The following FOXP2 variants were observed in gnomAD, a reference collection of about 807,000 sequenced individuals.
The protein encoded by FOXP2 is forkhead box P2.
A neutral mutation model predicts 115.8 loss-of-function variants in FOXP2; 12 were observed. That is an observed-to-expected ratio of 0.10 (90% CI 0.07 to 0.17). The LOEUF (loss-of-function observed/expected upper bound fraction) is 0.17. Among genes scored for constraint, FOXP2 ranks in the 10% least tolerant of loss-of-function variants. The pLI, the probability that FOXP2 is intolerant of heterozygous loss-of-function variation, is 1.00. For synonymous variants in FOXP2, 328 were observed against 297.7 expected (o/e 1.10, Z -1.05); for missense variants, 629 against 843.5 (o/e 0.75, Z 3.15).
chr7:114,686,570 C>T (rs1808375279), intron 16 of FOXP2, among the ~76,000 whole-genome samples: 1 of 152,174 alleles, frequency 6.6e-6, no homozygotes, highest in African/African-American at 2.4e-5. Context: ...ATATCCAGTT[C>T]AAATTTTAAC....
chr7:114,588,223 C>T (rs1300707244), intron 3 of FOXP2, among the ~76,000 whole-genome samples: 4 of 151,834 alleles, frequency 2.6e-5, no homozygotes, highest in Non-Finnish European at 4.4e-5. Flanking sequence ...AGGAGAATGG[C>T]GTGAACCTGA....
At chr7:114,119,032 T>C (rs1274182607) in intron 1 of FOXP2, among the ~76,000 whole-genome samples, 1 of 152,158 alleles carries the variant, frequency 6.6e-6, no homozygotes, top group Non-Finnish European at 1.5e-5. Context: ...ATTAAATTAA[T>C]TCCCAAATAC....
intron 1 of FOXP2, among the ~76,000 whole-genome samples, chr7:114,229,692 AT>A (rs971087804): frequency 7.3e-5 from 11 of 151,724 alleles, no homozygotes; most frequent in African/African-American, 2.7e-4. Flanking sequence ...ATCTCTTGAG[AT>A]TAAAAAAAAC....
chr7:114,378,546 T>C (rs544778943), intron 2 of FOXP2, among the ~76,000 whole-genome samples: 22 of 151,634 alleles, frequency 1.5e-4, no homozygotes, highest in African/African-American at 5.3e-4. Flanking sequence ...TAACTAGGCA[T>C]GGTAGTACAT....
At chr7:114,664,659 C>G in intron 16 of FOXP2, 2 of 557,206 alleles carry the variant, frequency 3.6e-6, no homozygotes, top group Non-Finnish European at 6.4e-6. Flanking sequence ...CAGCAGTCCT[C>G]TACAGATTCT....
At chr7:114,585,972 T>C (rs1460042446) in intron 3 of FOXP2, among the ~76,000 whole-genome samples, 2 of 152,192 alleles carry the variant, frequency 1.3e-5, no homozygotes, top group Admixed American at 6.5e-5. Flanking sequence ...GGTCTATGAA[T>C]ATATTTAGCA....
chr7:114,616,171 G>GT (rs56051230), intron 3 of FOXP2, among the ~76,000 whole-genome samples: 44 of 149,158 alleles, frequency 2.9e-4, no homozygotes, highest in South Asian at 4.4e-4. Context: ...TGTCGTTTTT[G>GT]TTTTTTTTTG....
At chr7:114,460,168 C>T (rs191639465) in intron 2 of FOXP2, among the ~76,000 whole-genome samples, 51 of 152,058 alleles carry the variant, frequency 3.4e-4, no homozygotes, top group African/African-American at 1.1e-3. Flanking sequence ...TGAGCTCCTG[C>T]GAGGTGTCAT....
chr7:114,444,738 T>A (rs987458033), intron 2 of FOXP2, among the ~76,000 whole-genome samples: 2 of 152,296 alleles, frequency 1.3e-5, no homozygotes, highest in South Asian at 4.1e-4. Flanking sequence ...AAATTCTGTA[T>A]AACAGTTTTA....
chr7:114,368,670 C>G (rs1202664016), intron 2 of FOXP2, among the ~76,000 whole-genome samples: 3 of 152,152 alleles, frequency 2.0e-5, no homozygotes, highest in South Asian at 4.1e-4. Context: ...AGAGAACATT[C>G]CAGACACATA....
intron 1 of FOXP2, among the ~76,000 whole-genome samples, chr7:114,095,626 G>A (rs1289300845): frequency 6.6e-6 from 1 of 151,976 alleles, no homozygotes; most frequent in East Asian, 1.9e-4. Flanking sequence ...TATCCACCTG[G>A]CATTCTTTTC....
At chr7:114,526,991 A>ATTTTTTTTTTTTTTTTTTTTTTTTTTT (rs200748852) in intron 2 of FOXP2, among the ~76,000 whole-genome samples, 1 of 128,846 alleles carries the variant, frequency 7.8e-6, no homozygotes. Context: ...CCACTAATCT[A>ATTTTTTTTTTTTTTTTTTTTTTTTTTT]TTTTTTTTTT....
chr7:114,214,895 T>G (rs1794449597), intron 1 of FOXP2, among the ~76,000 whole-genome samples: 1 of 152,186 alleles, frequency 6.6e-6, no homozygotes, highest in South Asian at 2.1e-4. Context: ...TTCAGAAATA[T>G]AAAAAGTGCT....
At chr7:114,532,419 G>A (rs1007930478) in intron 2 of FOXP2, among the ~76,000 whole-genome samples, 2 of 151,794 alleles carry the variant, frequency 1.3e-5, no homozygotes, top group African/African-American at 2.4e-5. Flanking sequence ...CTTTACTAGA[G>A]TCTTACTCAT....
At chr7:114,610,459 T>TTA (rs1277824093) in intron 3 of FOXP2, among the ~76,000 whole-genome samples, 1 of 152,182 alleles carries the variant, frequency 6.6e-6, no homozygotes, top group Non-Finnish European at 1.5e-5. Context: ...AACAGAATCG[T>TTA]AAGTGAATTT....
At chr7:114,488,293 C>T (rs1203708289) in intron 2 of FOXP2, among the ~76,000 whole-genome samples, 3 of 152,180 alleles carry the variant, frequency 2.0e-5, no homozygotes, top group Non-Finnish European at 2.9e-5. Flanking sequence ...TCTCCCAAGA[C>T]TCACGGGGAT....
At chr7:114,135,457 G>A (rs1792014480) in intron 1 of FOXP2, among the ~76,000 whole-genome samples, 1 of 152,010 alleles carries the variant, frequency 6.6e-6, no homozygotes. Flanking sequence ...CCTTTGTTAT[G>A]AACAGTAGGT....
At chr7:114,417,622 T>G (rs1032637354) in intron 1 of FOXP2, among the ~76,000 whole-genome samples, 2 of 151,964 alleles carry the variant, frequency 1.3e-5, no homozygotes, top group East Asian at 3.9e-4. Context: ...TCACTTTGCT[T>G]TAATTTTCCA....
chr7:114,382,675 T>C (rs1792337119), intron 2 of FOXP2, among the ~76,000 whole-genome samples: 1 of 151,994 alleles, frequency 6.6e-6, no homozygotes, highest in Non-Finnish European at 1.5e-5. Context: ...CCAAGTTCAA[T>C]AGGGTTTCTA....
Sources: gnomAD v4.1 joint callset for allele counts (sites outside exome capture counted in the v4.1 genomes callset) on GRCh38, gnomAD v4.1.1 for gene constraint, MANE v1.5 for transcripts, NCBI Gene and HGNC (gene_info 2026-07-23, HGNC 2026-07-21) for gene names.